Variants in TEX11 observed in about 807,000 individuals in gnomAD.
TEX11 encodes the protein testis-expressed protein 11.
A neutral mutation model predicts 84.4 loss-of-function variants in TEX11; 7 were observed. The observed-to-expected ratio is 0.08, with a 90% CI of 0.05 to 0.16. The LOEUF (loss-of-function observed/expected upper bound fraction) is 0.16. TEX11 is among the 10% of genes least tolerant of loss of function. The pLI, the probability that TEX11 is intolerant of heterozygous loss-of-function variation, is 1.00. For missense variants in TEX11, 551 were observed against 660.5 expected (o/e 0.83, Z 1.82); for synonymous variants, 264 against 222.8 (o/e 1.18, Z -1.64).
chrX:70,607,074 A>C (rs747228575), intron 22 of TEX11, 45 bp from the exon 23 acceptor site: 114 of 1,006,191 alleles, frequency 1.1e-4, no homozygotes, highest in Non-Finnish European at 1.5e-4. Context: ...AATTATGAAA[A>C]TCTACCATTT....
At chrX:70,647,080 T>TG (rs2089750707) in intron 17 of TEX11, among the ~76,000 whole-genome samples, 1 of 111,147 alleles carries the variant, frequency 9.0e-6, no homozygotes, top group African/African-American at 3.3e-5. Context: ...CTGTCATTTA[T>TG]GAAAAAAAGG....
intron 25 of TEX11, among the ~76,000 whole-genome samples, chrX:70,582,709 A>C (rs2147482509): frequency 1.0e-5 from 1 of 99,106 alleles, no homozygotes; most frequent in South Asian, 4.7e-4. Flanking sequence ...GAATTGTGTT[A>C]CCTCCTATGT....
intron 7 of TEX11, among the ~76,000 whole-genome samples, chrX:70,849,982 G>A (rs1336588391): frequency 9.0e-6 from 1 of 111,573 alleles, no homozygotes; most frequent in Non-Finnish European, 1.9e-5. Context: ...ATAATTCTTA[G>A]GATATTCACA....
the TEX11 span, among the ~76,000 whole-genome samples, chrX:70,521,503 C>T: frequency 9.0e-6 from 1 of 111,549 alleles, no homozygotes; most frequent in African/African-American, 3.3e-5. Flanking sequence ...TCTCGAACTC[C>T]TGACCTCAGG....
chrX:70,717,317 CTTTTCTTTT>C (rs948612669), intron 13 of TEX11, among the ~76,000 whole-genome samples: 24 of 109,870 alleles, frequency 2.2e-4, no homozygotes, highest in African/African-American at 7.9e-4. Context: ...CATTCACTTT[CTTTTCTTTT>C]TTTTTTTTTT....
chrX:70,565,643 C>T (rs1218280560), intron 25 of TEX11, among the ~76,000 whole-genome samples: 8 of 110,083 alleles, frequency 7.3e-5, no homozygotes, highest in African/African-American at 2.3e-4. Context: ...TTTCCCAGCA[C>T]CATTTATTAA....
At position 70,650,321 on chromosome X, in the gene TEX11, G is replaced by C. The variant is rs181226927; in HGVS notation, c.1483+1129C>G. On this transcript the variant is annotated intron_variant, in intron 17 of 29. Coordinates refer to ENST00000374333, the MANE Select transcript of TEX11 (RefSeq NM_031276.3). ...TTCAATATACGTGACTTAAAAAATG[G>C]TCACAGACAACTGGAGAAGAAATAA... is the stretch of plus-strand genomic sequence containing the variant. Among the ~76,000 whole-genome samples, 71 of 111,355 alleles carry C rather than the reference G, an allele frequency of 6.4e-4. 1 individual carries two copies. In the East Asian group the frequency reaches 9.0e-3, roughly 14 times the overall value.
At position 70,617,343 on chromosome X, in the gene TEX11, T is replaced by TA. The variant is rs200786003; in HGVS notation, c.1751+6606_1751+6607insT. ...CATCAAAAGAAGAATAAGTGAAGGTTTTATATATATATATCATTATATATA... is the reference window on the plus strand; with the variant it reads ...CATCAAAAGAAGAATAAGTGAAGGTTATTATATATATATATCATTATATATA... On this transcript the variant is annotated intron_variant, in intron 20 of 29. Transcript: ENST00000374333. Among the ~76,000 whole-genome samples, 111 of 76,930 alleles carry TA rather than the reference T, an allele frequency of 1.4e-3. 1 individual carries two copies. In the East Asian group the frequency reaches 0.036, roughly 25 times the overall value. 66.8% of individuals were successfully genotyped at this position (76,930 alleles called of 115,157 possible).
At chrX:70,619,541 A>G (rs1273462475) in intron 20 of TEX11, among the ~76,000 whole-genome samples, 1 of 112,015 alleles carries the variant, frequency 8.9e-6, no homozygotes, top group Non-Finnish European at 1.9e-5. Flanking sequence ...AAATGAACAA[A>G]TGAGTTATGT....
At chrX:70,629,525 C>CTGTGTCTAACTGATAA in intron 18 of TEX11, 86 bp downstream of exon 18, 1 of 1,065,484 alleles carries the variant, frequency 9.4e-7, no homozygotes, top group Non-Finnish European at 1.3e-6. Context: ...AAGGTCTCTT[C>CTGTGTCTAACTGATAA]TGTGTCTAAC....
chrX:70,792,357 TAC>T (rs1322868836), intron 9 of TEX11, among the ~76,000 whole-genome samples: 1,735 of 8,693 alleles, frequency 0.2, 165 homozygotes, highest in Admixed American at 0.21. Context: ...TATATATATA[TAC>T]ACACACAAAT....
chrX:70,764,586 ACTAT>A (rs767062039), intron 9 of TEX11, among the ~76,000 whole-genome samples: 28 of 111,987 alleles, frequency 2.5e-4, no homozygotes, highest in African/African-American at 7.8e-4. Context: ...CTTTAGCCAG[ACTAT>A]CTAAGAAAAA....
chrX:70,855,803 G>C (rs964217829), intron 5 of TEX11, among the ~76,000 whole-genome samples: 3 of 111,149 alleles, frequency 2.7e-5, no homozygotes, highest in Non-Finnish European at 5.6e-5. Flanking sequence ...AGCACACACA[G>C]AGGAAAGGCC....
chrX:70,539,036 A>ATTTTTT (rs1384640066), intron 28 of TEX11, among the ~76,000 whole-genome samples: 90 of 15,616 alleles, frequency 5.8e-3, no homozygotes, highest in African/African-American at 0.015. Context: ...ATATATATAT[A>ATTTTTT]TATTTTTTTT....
At chrX:70,886,705 G>A (rs4393069) in intron 2 of TEX11, among the ~76,000 whole-genome samples, 1 of 110,368 alleles carries the variant, frequency 9.1e-6, no homozygotes, top group Admixed American at 9.7e-5. Flanking sequence ...CAAACCAACA[G>A]CTTCCCTACT....
chrX:70,602,547 T>C (rs1219540547), intron 24 of TEX11, among the ~76,000 whole-genome samples: 1 of 106,894 alleles, frequency 9.4e-6, no homozygotes, highest in Non-Finnish European at 1.9e-5. Context: ...TGATGGGATG[T>C]ATTTCAAAAT....
At chrX:70,670,938 C>T (rs1294403574) in intron 15 of TEX11, among the ~76,000 whole-genome samples, 1 of 111,712 alleles carries the variant, frequency 9.0e-6, no homozygotes, top group Middle Eastern at 4.4e-3. Flanking sequence ...TAGTTGTAAT[C>T]GTAGCTTATA....
At chrX:70,555,481 T>C (rs1390907555) in intron 25 of TEX11, among the ~76,000 whole-genome samples, 1 of 112,378 alleles carries the variant, frequency 8.9e-6, no homozygotes, top group African/African-American at 3.2e-5. Context: ...ACCCGTGTAA[T>C]AACTACCTAG....
intron 18 of TEX11, 39 bp from the exon 19 acceptor site, chrX:70,624,963 A>C: frequency 1.1e-6 from 1 of 946,187 alleles, no homozygotes; most frequent in East Asian, 3.1e-5. Flanking sequence ...TTACATCTCA[A>C]AGTGATACTG....
Sources: allele counts gnomAD v4.1 joint callset (sites outside exome capture counted in the v4.1 genomes callset), GRCh38; gene constraint gnomAD v4.1.1; transcripts MANE v1.5; gene names NCBI Gene and HGNC (gene_info 2026-07-23, HGNC 2026-07-21).